COLEC12: variants seen among roughly 807,000 people sequenced by gnomAD.
COLEC12 encodes the protein collectin subfamily member 12.
A neutral mutation model predicts 71.1 loss-of-function variants in COLEC12; 33 were observed. The observed-to-expected ratio is 0.46, with a 90% confidence interval of 0.35 to 0.62. The LOEUF (loss-of-function observed/expected upper bound fraction) is 0.62, where lower values mean the gene tolerates loss of function less well. Among genes scored for constraint, COLEC12 ranks in the 20% least tolerant of loss-of-function variants. The probability of loss-of-function intolerance (pLI) is 0.00; values close to 1 mark genes in which losing one functional copy is unlikely to be tolerated. For synonymous variants in COLEC12, 350 were observed against 353.0 expected (o/e 0.99, Z 0.10); for missense variants, 765 against 916.1 (o/e 0.84, Z 2.13).
In COLEC12 at chr18:500,346, G is replaced by A. The variant is rs1004025882; in HGVS notation, c.7+162C>T. ...GCCGCGCCTGACCCGGGAGCCGGGTGCGCCCCCAGTGTCCGCGCACGAACC... is the reference window on the plus strand; with the variant it reads ...GCCGCGCCTGACCCGGGAGCCGGGTACGCCCCCAGTGTCCGCGCACGAACC... On this transcript the variant is annotated intron_variant, in intron 1 of 9. Coordinates refer to ENST00000400256, the MANE Select transcript of COLEC12 (RefSeq NM_130386.3). This position sits in a 1 kb window ranked among gnomAD's most constrained non-coding sequence, Gnocchi z 5.3. 6.6e-6 allele frequency among the ~76,000 whole-genome samples: 1 copy of A among 151,720 alleles called. No individual in the cohort carries two copies. The highest frequency in any genetic ancestry group is 2.1e-4 in the South Asian group (1 of 4,796).
At chr18:358,153 T>C (rs1370410157) in intron 2 of COLEC12, among the ~76,000 whole-genome samples, 1 of 152,152 alleles carries the variant, frequency 6.6e-6, no homozygotes, top group Non-Finnish European at 1.5e-5. Flanking sequence ...TTATCTTCCA[T>C]GAAACTGGTC....
chr18:352,100 T>A (rs1312896059), intron 3 of COLEC12, among the ~76,000 whole-genome samples: 1 of 152,224 alleles, frequency 6.6e-6, no homozygotes, highest in African/African-American at 2.4e-5. Context: ...TTTTTAAAAT[T>A]ACTACATAGA....
At chr18:351,003 T>C (rs935589959) in intron 3 of COLEC12, among the ~76,000 whole-genome samples, 1 of 151,964 alleles carries the variant, frequency 6.6e-6, no homozygotes, top group African/African-American at 2.4e-5. Flanking sequence ...GAACATGCTT[T>C]ATATATCAAT....
chr18:405,300 C>G (rs901112205), intron 2 of COLEC12, among the ~76,000 whole-genome samples: 2 of 152,160 alleles, frequency 1.3e-5, no homozygotes, highest in African/African-American at 4.8e-5. Context: ...GTCCTGTTCC[C>G]TCAGAAGCAT....
chr18:467,252 G>A (rs1426190311), intron 2 of COLEC12, among the ~76,000 whole-genome samples: 2 of 152,054 alleles, frequency 1.3e-5, no homozygotes, highest in Non-Finnish European at 2.9e-5. Flanking sequence ...CTGGGAAAAC[G>A]ACTCACTTAC....
chr18:499,342 C>T (rs1917773910), intron 1 of COLEC12, among the ~76,000 whole-genome samples: 4 of 152,222 alleles, frequency 2.6e-5, no homozygotes, highest in Admixed American at 2.6e-4. Flanking sequence ...GGACACCTAA[C>T]GCCCTTGGAA....
Position 480,750 on chromosome 18 carries a change from G to A in COLEC12, c.15C>T (p.Phe5=), listed in dbSNP as rs776065087. The change falls in exon 2 of 10, where the codon TTC becomes TTT. Residue 5 remains phenylalanine (F), a synonymous_variant. Transcript: ENST00000400256. This position sits in a 1 kb window ranked among gnomAD's most constrained non-coding sequence, Gnocchi z 4.1. MKDD[F]AEEEEVQSFG... is the part of the protein sequence containing the mutation. ...AGGATTGCACCTCCTCCTCCTCTGC[G>A]AAGTCGTCTGTGAGAGAAGAAGAGA... The A allele has an allele frequency of 2.9e-5, 46 of 1,613,868 alleles. No individual in the cohort carries two copies. Among genetic ancestry groups the A allele is most frequent in the Non-Finnish European group, 3.7e-5 (44 of 1,179,912 alleles).
At chr18:342,350 T>C (rs1914274316) in intron 5 of COLEC12, among the ~76,000 whole-genome samples, 1 of 152,220 alleles carries the variant, frequency 6.6e-6, no homozygotes, top group African/African-American at 2.4e-5. Flanking sequence ...TGAACATCTA[T>C]CTCTACACTA....
intron 2 of COLEC12, among the ~76,000 whole-genome samples, chr18:386,160 C>T (rs1003737455): frequency 6.6e-6 from 1 of 152,136 alleles, no homozygotes; most frequent in Non-Finnish European, 1.5e-5. Context: ...CAGGAAATTA[C>T]AGAATTATTG....
intron 1 of COLEC12, among the ~76,000 whole-genome samples, chr18:483,110 CAT>C (rs1917455211): frequency 6.6e-6 from 1 of 152,134 alleles, no homozygotes; most frequent in Admixed American, 6.5e-5. Context: ...TATAAAATCA[CAT>C]GTGATGCTGT....
chr18:346,621 T>C lies in COLEC12; in HGVS notation c.1001A>G (p.Glu334Gly). The change falls in exon 5 of 10, where the codon GAA becomes GGA. Residue 334 changes from glutamate to glycine, a missense_variant. Physicochemically the swap from Glu to Gly is moderately conservative, Grantham distance 98 (BLOSUM62 -2). Transcript: ENST00000400256. The surrounding 1 kb of genome is among the most constrained non-coding windows in gnomAD (Gnocchi z 4.0). ...ATCCGTCTCAAAGAGCTGGAAGCGT[T>C]CCTCCAGTTGGTTGAACTTGATGGC... ...RTAIKFNQLE[E>G]RFQLFETDIV... The C allele has an allele frequency of 6.2e-7, 1 of 1,614,208 alleles. No individual in the cohort carries two copies. The highest frequency in any genetic ancestry group is 8.5e-7 in the Non-Finnish European group (1 of 1,180,022).
intron 8 of COLEC12, among the ~76,000 whole-genome samples, chr18:325,109 C>G (rs142327569): frequency 0.025 from 3,882 of 152,308 alleles, 69 homozygotes; most frequent in Middle Eastern, 0.068. Context: ...AGGAGGATCA[C>G]TTGAGCCTCG....
chr18:466,813 ATTC>A (rs1917097925), intron 2 of COLEC12, among the ~76,000 whole-genome samples: 1 of 152,164 alleles, frequency 6.6e-6, no homozygotes, highest in Non-Finnish European at 1.5e-5. Context: ...TCACTCTTTT[ATTC>A]CTAAGTCCCT....
chr18:417,595 C>A (rs1186579736), intron 2 of COLEC12, among the ~76,000 whole-genome samples: 1 of 152,174 alleles, frequency 6.6e-6, no homozygotes, highest in Non-Finnish European at 1.5e-5. Context: ...TCTTGCCCTA[C>A]CTTCTGGGCA....
chr18:364,228 T>C lies in COLEC12; in HGVS notation c.59-6706A>G, dbSNP rs145436961. Reference sequence around the variant, plus strand: ...TATTTAAAATTTATAATTTATACCCTGCCTACTAAAAAAGAATTGTCGTAG... The same window carrying C: ...TATTTAAAATTTATAATTTATACCCCGCCTACTAAAAAAGAATTGTCGTAG... On this transcript the variant is annotated intron_variant, in intron 2 of 9. Coordinates refer to ENST00000400256, the MANE Select transcript of COLEC12 (RefSeq NM_130386.3). 2.6e-5 allele frequency among the ~76,000 whole-genome samples: 4 copies of C among 152,360 alleles called. No homozygotes were observed. The East Asian group carries it at 7.7e-4, about 29-fold the overall frequency.
intron 4 of COLEC12, 125 bp downstream of exon 4, chr18:347,940 C>T: frequency 3.4e-6 from 2 of 589,668 alleles, no homozygotes; most frequent in African/African-American, 1.9e-5. Flanking sequence ...GGAGACTCAA[C>T]ATGCAACACA....
intron 2 of COLEC12, among the ~76,000 whole-genome samples, chr18:415,453 TTA>T (rs1915968663): frequency 6.6e-6 from 1 of 152,046 alleles, no homozygotes; most frequent in Admixed American, 6.6e-5. Context: ...TAGATGCAAG[TTA>T]GGCCTAACTC....
intron 1 of COLEC12, among the ~76,000 whole-genome samples, chr18:492,708 G>C (rs150318929): frequency 1.5e-4 from 23 of 152,018 alleles, no homozygotes; most frequent in African/African-American, 4.8e-4. Flanking sequence ...AAAAAAAAGA[G>C]GTCTTTGGTT....
intron 9 of COLEC12, among the ~76,000 whole-genome samples, chr18:320,897 C>T (rs960801580): frequency 6.6e-6 from 1 of 152,192 alleles, no homozygotes; most frequent in Non-Finnish European, 1.5e-5. Context: ...GCTGCTTTGG[C>T]TTATGAGCTG....
Sources: allele counts gnomAD v4.1 joint callset (sites outside exome capture counted in the v4.1 genomes callset), GRCh38; gene constraint gnomAD v4.1.1; non-coding constraint Gnocchi (gnomAD v3.1); transcripts MANE v1.5; gene names NCBI Gene and HGNC (gene_info 2026-07-23, HGNC 2026-07-21).